The following PCDHA4 variants were observed in gnomAD, a reference collection of about 807,000 sequenced individuals.
The protein encoded by PCDHA4 is protocadherin alpha 4.
PCDHA4 carries 49 observed loss-of-function variants against 61.4 expected under a neutral mutation model. The observed-to-expected ratio is 0.80, with a 90% CI of 0.63 to 1.01. The LOEUF (loss-of-function observed/expected upper bound fraction) is 1.01. Among genes scored for constraint, PCDHA4 ranks in the 50% least tolerant of loss-of-function variants. The pLI is 0.00. For synonymous variants in PCDHA4, 590 were observed against 550.3 expected (o/e 1.07, Z -1.01); for missense variants, 1,254 against 1,235.8 (o/e 1.01, Z -0.22).
chr5:140,849,523 T>A (rs2150439737), intron 1 of PCDHA4: 1 of 1,597,506 alleles, frequency 6.3e-7, no homozygotes, highest in African/African-American at 1.3e-5. Flanking sequence ...GTTGTGGATG[T>A]AAATGACAAT....
intron 1 of PCDHA4, chr5:140,855,749 C>T (rs2043605580): frequency 3.1e-6 from 1 of 325,346 alleles, no homozygotes. Context: ...TAATGTGAGG[C>T]TTTGAAAGTC....
chr5:141,009,269 A>G (rs2098404104), intron 3 of PCDHA4, among the ~76,000 whole-genome samples: 1 of 152,140 alleles, frequency 6.6e-6, no homozygotes, highest in Non-Finnish European at 1.5e-5. Flanking sequence ...AGCCTGGGCA[A>G]CATAGTGAGA....
At chr5:140,937,162 C>A (rs2091378704) in intron 1 of PCDHA4, among the ~76,000 whole-genome samples, 1 of 151,684 alleles carries the variant, frequency 6.6e-6, no homozygotes, top group Non-Finnish European at 1.5e-5. Flanking sequence ...CTCAGCCTCC[C>A]GAGTAGCTGG....
intron 1 of PCDHA4, among the ~76,000 whole-genome samples, chr5:140,900,909 G>T (rs1470878423): frequency 1.3e-5 from 2 of 152,184 alleles, no homozygotes; most frequent in Middle Eastern, 3.4e-3. Context: ...TTTAACTGTG[G>T]TAAGATGATA....
intron 3 of PCDHA4, among the ~76,000 whole-genome samples, chr5:140,998,919 A>G (rs781864069): frequency 6.6e-6 from 1 of 152,248 alleles, no homozygotes; most frequent in Non-Finnish European, 1.5e-5. Flanking sequence ...TAGCTATTAT[A>G]TCCATTTTAC....
intron 1 of PCDHA4, chr5:140,822,298 G>C (rs2150115321): frequency 6.2e-7 from 1 of 1,614,222 alleles, no homozygotes; most frequent in South Asian, 1.1e-5. Flanking sequence ...AAATCCAAAC[G>C]AATATTTTGA....
chr5:140,809,040 C>G lies in PCDHA4; in HGVS notation c.1853C>G (p.Ala618Gly). 2 of 1,613,822 alleles carry G rather than the reference C, an allele frequency of 1.2e-6. No homozygotes were observed. The highest frequency in any genetic ancestry group is 1.7e-6 in the Non-Finnish European group (2 of 1,179,860). The change falls in exon 1 of 4, where the codon GCG becomes GGG. Residue 618 changes from alanine to glycine, a missense_variant. Ala to Gly is a moderately conservative substitution (Grantham distance 60, BLOSUM62 0). Transcript: ENST00000530339. ...SYELQPGTGGARIPFRVGLYT... is the reference protein window; with the variant it reads ...SYELQPGTGGGRIPFRVGLYT... ...GAGCTGCAGCCGGGGACTGGTGGCG[C>G]GCGCATCCCGTTCCGCGTGGGGCTG...
intron 1 of PCDHA4, chr5:140,822,951 T>C: frequency 6.2e-7 from 1 of 1,614,176 alleles, no homozygotes; most frequent in African/African-American, 1.3e-5. Context: ...TGCCCCACGT[T>C]CCCTTCAAGC....
rs1192658029 is a variant in PCDHA4 at position 141,011,915 on chromosome 5, A to G, written c.*1978A>G. On this transcript the variant is annotated 3_prime_UTR_variant, in exon 4 of 4. Coordinates refer to ENST00000530339, the MANE Select transcript of PCDHA4 (RefSeq NM_018907.4). Reference sequence around the variant, plus strand: ...ATATTATCTATTTAGGCATTAATATAAAAGAGGTAGGAGTCTGTTATTTAA... The same window carrying G: ...ATATTATCTATTTAGGCATTAATATGAAAGAGGTAGGAGTCTGTTATTTAA... 1 of 153,728 alleles carries G rather than the reference A, an allele frequency of 6.5e-6. No homozygotes were observed. Among genetic ancestry groups the G allele is most frequent in the Admixed American group, 6.5e-5 (1 of 15,286 alleles). 9.5% of individuals were successfully genotyped at this position (153,728 alleles called of 1,614,324 possible). A position where few individuals can be genotyped will look rare whatever the true frequency, so the allele number is the denominator to read the frequency against.
At position 140,807,107 on chromosome 5, in the gene PCDHA4, T is replaced by G; in HGVS notation, c.-81T>G. Reference sequence around the variant, plus strand: ...GAGTCTGAAATATGGAGGATGCAGCTGCACTTGACTGACCGATTAAAAGAT... The same window carrying G: ...GAGTCTGAAATATGGAGGATGCAGCGGCACTTGACTGACCGATTAAAAGAT... On this transcript the variant is annotated 5_prime_UTR_variant, in exon 1 of 4. Transcript: ENST00000530339. 1 of 1,466,078 alleles carries G rather than the reference T, an allele frequency of 6.8e-7. No individual in the cohort carries two copies. The allele number at this position is 1,466,078 out of a possible 1,614,324, so 90.8% of individuals were successfully genotyped here.
chr5:140,925,668 A>G (rs1215540778), intron 1 of PCDHA4, among the ~76,000 whole-genome samples: 1 of 149,482 alleles, frequency 6.7e-6, no homozygotes, highest in Admixed American at 6.7e-5. Context: ...TAATAATAAT[A>G]ATAATAATAA....
intron 1 of PCDHA4, chr5:140,843,004 C>G (rs782142006): frequency 6.3e-7 from 1 of 1,595,032 alleles, no homozygotes; most frequent in Non-Finnish European, 8.6e-7. Flanking sequence ...AGAATGACAA[C>G]GCGCCGGCAC....
At chr5:140,829,891 C>T (rs1554132360) in intron 1 of PCDHA4, 6 of 1,613,952 alleles carry the variant, frequency 3.7e-6, no homozygotes, top group Admixed American at 1.7e-5. Flanking sequence ...TTGACGCCGA[C>T]TCAGGCTACA....
intron 3 of PCDHA4, among the ~76,000 whole-genome samples, chr5:141,007,029 T>C (rs2098299696): frequency 6.6e-6 from 1 of 152,154 alleles, no homozygotes; most frequent in Non-Finnish European, 1.5e-5. Context: ...ATATGGTATT[T>C]ATATCTATGG....
intron 1 of PCDHA4, among the ~76,000 whole-genome samples, chr5:140,891,033 G>C (rs2062910794): frequency 6.6e-6 from 1 of 151,596 alleles, no homozygotes; most frequent in South Asian, 2.1e-4. Context: ...TATAATCTTA[G>C]GTGTGACCCC....
At chr5:140,828,147 T>C (rs1554131033) in intron 1 of PCDHA4, 4 of 1,614,128 alleles carry the variant, frequency 2.5e-6, no homozygotes, top group African/African-American at 1.3e-5. Context: ...CTCCCGCTTC[T>C]GCTCCTCGCA....
At chr5:140,856,568 A>T (rs1554148862) in intron 1 of PCDHA4, 2 of 1,597,928 alleles carry the variant, frequency 1.3e-6, no homozygotes, top group Middle Eastern at 3.3e-4. Flanking sequence ...ACTCAGTCCA[A>T]ATGAGTATTT....
At chr5:140,884,432 C>T (rs782413139) in intron 1 of PCDHA4, 2 of 1,613,880 alleles carry the variant, frequency 1.2e-6, no homozygotes, top group East Asian at 4.5e-5. Flanking sequence ...TACTGCGCTG[C>T]GGTGCTCGGC....
In PCDHA4 at chr5:140,807,783, C is replaced by T. The variant is rs782393420; in HGVS notation, c.596C>T (p.Ser199Phe). 6.2e-6 allele frequency: 10 copies of T among 1,614,144 alleles called. No homozygotes were observed. The highest frequency in any genetic ancestry group is 7.6e-6 in the Non-Finnish European group (9 of 1,180,038). ...VKGLGLILRK[S>F]LDREEAPEIF... ...GGTCTTGGGCTTATATTACGGAAAT[C>T]TTTAGACAGAGAAGAAGCTCCGGAG... Residue 199 changes from serine to phenylalanine, a missense_variant, in exon 1 of 4, where the codon TCT becomes TTT. By Grantham distance (155) the Ser-to-Phe change is radical (BLOSUM62 -2). Coordinates refer to ENST00000530339, the MANE Select transcript of PCDHA4 (RefSeq NM_018907.4).
Sources: allele counts gnomAD v4.1 joint callset (sites outside exome capture counted in the v4.1 genomes callset), GRCh38; gene constraint gnomAD v4.1.1; transcripts MANE v1.5; gene names NCBI Gene and HGNC (gene_info 2026-07-23, HGNC 2026-07-21).